Variants in ARHGAP20 observed in about 807,000 individuals in gnomAD.
The protein encoded by ARHGAP20 is rho GTPase-activating protein 20.
A neutral mutation model predicts 73.7 loss-of-function variants in ARHGAP20; 34 were observed. The ratio of observed to expected loss-of-function variants is 0.46; its 90% CI spans 0.35 to 0.61. The LOEUF (loss-of-function observed/expected upper bound fraction) is 0.61. Among genes scored for constraint, ARHGAP20 ranks in the 20% least tolerant of loss-of-function variants. The pLI is 0.00. For synonymous variants in ARHGAP20, 523 were observed against 518.2 expected (o/e 1.01, Z -0.13); for missense variants, 1,314 against 1,420.9 (o/e 0.92, Z 1.21).
intron 9 of ARHGAP20, among the ~76,000 whole-genome samples, chr11:110,604,746 T>A (rs1183865842): frequency 1.3e-5 from 2 of 152,130 alleles, no homozygotes; most frequent in Non-Finnish European, 2.9e-5. Context: ...GTTAACAAAT[T>A]CAAGGTAAAT....
intron 1 of ARHGAP20, among the ~76,000 whole-genome samples, chr11:110,700,716 T>C (rs951312485): frequency 4.6e-5 from 7 of 150,898 alleles, no homozygotes; most frequent in African/African-American, 1.7e-4. Context: ...ATTAGGTATA[T>C]CTTCCAGTGC....
chr11:110,623,949 T>A (rs1948681739), intron 4 of ARHGAP20, among the ~76,000 whole-genome samples: 1 of 152,194 alleles, frequency 6.6e-6, no homozygotes, highest in South Asian at 2.1e-4. Context: ...CATATTTTAA[T>A]CAAAAGCCCA....
At chr11:110,711,931 C>G (rs1044279691) in intron 1 of ARHGAP20, 196 bp downstream of exon 1, 81 of 1,253,640 alleles carry the variant, frequency 6.5e-5, no homozygotes, top group Non-Finnish European at 7.5e-5. Context: ...AGCGGGCGCT[C>G]TGCGGGAGGC....
intron 2 of ARHGAP20, among the ~76,000 whole-genome samples, chr11:110,672,506 T>C (rs1270484039): frequency 6.6e-6 from 1 of 152,054 alleles, no homozygotes; most frequent in African/African-American, 2.4e-5. Context: ...AGATGGAGTC[T>C]TGTTCTTGGC....
At chr11:110,711,396 C>T (rs1950651543) in intron 1 of ARHGAP20, among the ~76,000 whole-genome samples, 1 of 150,940 alleles carries the variant, frequency 6.6e-6, no homozygotes, top group Non-Finnish European at 1.5e-5. Flanking sequence ...GCCCTCAGGA[C>T]CCCCAACCAC....
intron 2 of ARHGAP20, among the ~76,000 whole-genome samples, chr11:110,658,142 A>C (rs1367656099): frequency 6.6e-6 from 1 of 152,226 alleles, no homozygotes; most frequent in African/African-American, 2.4e-5. Context: ...TCTGTCAAAT[A>C]GAAGTATTCA....
chr11:110,678,327 T>A (rs1422621590), intron 2 of ARHGAP20, among the ~76,000 whole-genome samples: 1 of 152,222 alleles, frequency 6.6e-6, no homozygotes. Context: ...TAAAAACCAC[T>A]GAAGTGTACA....
intron 1 of ARHGAP20, 97 bp downstream of exon 1, chr11:110,712,030 G>A: frequency 1.6e-6 from 2 of 1,243,308 alleles, no homozygotes; most frequent in Non-Finnish European, 2.0e-6. Flanking sequence ...TTCCCGCGGC[G>A]TCCGCCTAGC....
intron 4 of ARHGAP20, among the ~76,000 whole-genome samples, chr11:110,621,781 C>T (rs756600473): frequency 9.9e-5 from 15 of 152,226 alleles, no homozygotes; most frequent in Non-Finnish European, 1.9e-4. Flanking sequence ...TTTCCTTGTT[C>T]TTCACATGTC....
intron 2 of ARHGAP20, among the ~76,000 whole-genome samples, chr11:110,642,511 T>C (rs1042827750): frequency 6.6e-6 from 1 of 152,154 alleles, no homozygotes; most frequent in Admixed American, 6.6e-5. Flanking sequence ...TGTTGGGTTT[T>C]GTTGAAAGCT....
At chr11:110,599,748 A>G (rs967091007) in intron 9 of ARHGAP20, among the ~76,000 whole-genome samples, 1 of 152,046 alleles carries the variant, frequency 6.6e-6, no homozygotes, top group Non-Finnish European at 1.5e-5. Context: ...AGATGTCCTG[A>G]CAACCAGCTG....
intron 9 of ARHGAP20, among the ~76,000 whole-genome samples, chr11:110,599,879 T>G (rs1443987804): frequency 6.6e-6 from 1 of 151,784 alleles, no homozygotes; most frequent in Admixed American, 6.6e-5. Flanking sequence ...GCACAGATGA[T>G]GAAACAACCA....
intron 4 of ARHGAP20, among the ~76,000 whole-genome samples, chr11:110,620,024 T>A (rs1241839739): frequency 6.6e-6 from 1 of 152,158 alleles, no homozygotes; most frequent in Admixed American, 6.5e-5. Flanking sequence ...TTTTTACTTT[T>A]TATTTTTATT....
intron 2 of ARHGAP20, among the ~76,000 whole-genome samples, chr11:110,678,058 C>T (rs1196189076): frequency 1.3e-5 from 2 of 152,180 alleles, no homozygotes; most frequent in East Asian, 3.9e-4. Context: ...ATACATGCTA[C>T]AACATGGATG....
rs750379178 is a variant in ARHGAP20, at chr11:110,579,835, C to T, written c.3111G>A (p.Trp1037Ter). The T allele has an allele frequency of 6.2e-7, 1 of 1,614,186 alleles. No homozygotes were observed. The highest frequency in any genetic ancestry group is 8.5e-7 in the Non-Finnish European group (1 of 1,180,048). ...TCAAACTGGCCACACCATTTCTCAA[C>T]CATGTGCTGGGATGAAGAGTTACAG... ...MHSVTLHPST[W>*]LRNGVASLKN... The change falls in exon 15 of 15, where the codon TGG (tryptophan) becomes TGA (stop). Residue 1037 changes from tryptophan (W) to a stop codon, truncating the protein, a stop_gained. Coordinates refer to ENST00000683387, the MANE Select transcript of ARHGAP20 (RefSeq NM_001384657.1). LOFTEE classifies it low-confidence loss of function (END_TRUNC).
At position 110,712,420 on chromosome 11, in the gene ARHGAP20, C is replaced by T. The variant is rs2135171238; in HGVS notation, c.-189G>A. 2.0e-5 allele frequency: 6 copies of T among 296,424 alleles called. No individual in the cohort carries two copies. The East Asian group carries it at 3.8e-4, about 19-fold the overall frequency. 18.4% of individuals were successfully genotyped at this position (296,424 alleles called of 1,614,324 possible). ...GTACCTCCGCCTGCGCTCGACACCG[C>T]GGGCTGGAGGCGAGTGCAGCGGCGA... On this transcript the variant is annotated 5_prime_UTR_variant, in exon 1 of 15. Transcript: ENST00000683387.
At chr11:110,708,778 G>A (rs567278606) in intron 1 of ARHGAP20, among the ~76,000 whole-genome samples, 7 of 152,228 alleles carry the variant, frequency 4.6e-5, no homozygotes, top group Non-Finnish European at 4.4e-5. Context: ...GGGGGATGAC[G>A]AATATATTCC....
intron 14 of ARHGAP20, 25 bp downstream of exon 14, chr11:110,582,296 A>C: frequency 6.4e-7 from 1 of 1,558,494 alleles, no homozygotes; most frequent in Non-Finnish European, 8.9e-7. Context: ...TTTCTCACAA[A>C]AACCAATCCA....
chr11:110,701,952 G>T (rs59008368), intron 1 of ARHGAP20, among the ~76,000 whole-genome samples: 3,728 of 152,078 alleles, frequency 0.025, 147 homozygotes, highest in African/African-American at 0.079. Context: ...ATCTCTGTTT[G>T]GGTACCAGTA....
Sources: allele counts gnomAD v4.1 joint callset (sites outside exome capture counted in the v4.1 genomes callset), GRCh38; gene constraint gnomAD v4.1.1; transcripts MANE v1.5; gene names NCBI Gene and HGNC (gene_info 2026-07-23, HGNC 2026-07-21).